The following PSMD5 variants were observed in gnomAD, a reference collection of about 807,000 sequenced individuals.
The protein encoded by PSMD5 is proteasome 26S subunit, non-ATPase 5.
PSMD5 carries 40 observed loss-of-function variants against 52.1 expected under a neutral mutation model. The observed-to-expected ratio is 0.77, with a 90% CI of 0.60 to 1.00. The LOEUF is 1.00. PSMD5 is among the 50% of genes least tolerant of loss of function. The probability of loss-of-function intolerance (pLI) is 0.00; values close to 1 mark genes in which losing one functional copy is unlikely to be tolerated. For synonymous variants in PSMD5, 211 were observed against 226.6 expected, an observed-to-expected ratio of 0.93 and a Z score of 0.62; for missense variants, 575 against 605.2, an observed-to-expected ratio of 0.95 and a Z score of 0.52.
At chr9:120,828,880 T>C (rs1300982069) in intron 5 of PSMD5, among the ~76,000 whole-genome samples, 2 of 152,238 alleles carry the variant, frequency 1.3e-5, no homozygotes, top group Non-Finnish European at 2.9e-5. Context: ...CAGAGTCACT[T>C]GAAAGTAGCT....
chr9:120,825,664 T>C (rs1281674516), intron 6 of PSMD5, among the ~76,000 whole-genome samples: 1 of 151,964 alleles, frequency 6.6e-6, no homozygotes, highest in Non-Finnish European at 1.5e-5. Context: ...AAATATTTAA[T>C]TTTTTTTGAA....
rs778223502 is a variant in PSMD5 at position 120,820,880 on chromosome 9, G to A, written c.1216C>T (p.Pro406Ser). 1 of 1,606,522 alleles carries A rather than the reference G, an allele frequency of 6.2e-7. No individual in the cohort carries two copies. The highest frequency in any genetic ancestry group is 1.1e-5 in the South Asian group (1 of 89,904). Residue 406 changes from proline (P) to serine (S), a missense_variant, in exon 9 of 10, where the codon CCC (proline) becomes TCC (serine). Pro to Ser is a moderately conservative substitution (Grantham distance 74). Transcript: ENST00000210313. ...LELFRGISSQ[P>S]FPELHCAALK... ...GCAGCACAGTGTAGTTCAGGGAAGG[G>A]CTGACTACTAATGCCACGGAAGAGC...
In PSMD5 at chr9:120,831,879, G is replaced by C. The variant is rs1439022224; in HGVS notation, c.385C>G (p.Gln129Glu). The stretch of plus-strand genomic sequence containing the variant: ...TCTCCACCAATGCAATAAACAATTT[G>C]TTTTAGTAATTCAGCATTATTTAGA... ...EILNNAELLK[Q>E]IVYCIGGENL... The change falls in exon 3 of 10, where the codon CAA (glutamine) becomes GAA (glutamate). Residue 129 changes from glutamine to glutamate, a missense_variant. Physicochemically the swap from Gln to Glu is conservative, Grantham distance 29. Transcript: ENST00000210313. 2 of 1,613,114 alleles carry C rather than the reference G, an allele frequency of 1.2e-6. No individual in the cohort carries two copies. Among genetic ancestry groups the C allele is most frequent in the African/African-American group, 2.7e-5 (2 of 74,894 alleles).
At chr9:120,841,440 G>A (rs1460994139) in intron 1 of PSMD5, among the ~76,000 whole-genome samples, 2 of 152,040 alleles carry the variant, frequency 1.3e-5, no homozygotes, top group Non-Finnish European at 2.9e-5. Flanking sequence ...TTAGCCGGGC[G>A]TGGTGGCGGG....
At chr9:120,835,735 A>T (rs1475637362) in intron 1 of PSMD5, among the ~76,000 whole-genome samples, 2 of 152,136 alleles carry the variant, frequency 1.3e-5, no homozygotes, top group East Asian at 1.9e-4. Context: ...GTCTCAAAAA[A>T]AAAAAATAAA....
At position 120,842,891 on chromosome 9, in the gene PSMD5, C is replaced by A. The variant is rs77059879; in HGVS notation, c.19G>T (p.Ala7Ser). 312 of 1,593,630 alleles carry A rather than the reference C, an allele frequency of 2.0e-4. No individual in the cohort carries two copies. The African/African-American group carries it at 2.2e-3, about 11-fold the overall frequency. Residue 7 changes from alanine to serine, a missense_variant, in exon 1 of 10, where the codon GCG (alanine) becomes TCG (serine). Physicochemically the swap from Ala to Ser is moderately conservative, Grantham distance 99. Coordinates refer to ENST00000210313, the MANE Select transcript of PSMD5 (RefSeq NM_005047.4). ...AGCCTCGCTACCTCTCTCAGCAGCG[C>A]CAAAGCCTGGGCTGCCATCTTGCCC... Reference protein sequence around the residue: MAAQALALLREVARLEA... With the variant: MAAQALSLLREVARLEA...
rs2045057197 is a variant in PSMD5 at position 120,818,030 on chromosome 9, G to A, written c.1391C>T (p.Ala464Val). 1.2e-6 allele frequency: 2 copies of A among 1,614,168 alleles called. No homozygotes were observed. Among genetic ancestry groups the A allele is most frequent in the East Asian group, 4.5e-5 (2 of 44,884 alleles). The change falls in exon 10 of 10, where the codon GCC becomes GTC. Residue 464 changes from alanine (A) to valine (V), a missense_variant. Coordinates refer to ENST00000210313, the MANE Select transcript of PSMD5 (RefSeq NM_005047.4). ...GATTTCTGCAATTGTCTTGGAATTGGCAAGTGCTTTCACTAGTTCATATTT... is the reference window on the plus strand; with the variant it reads ...GATTTCTGCAATTGTCTTGGAATTGACAAGTGCTTTCACTAGTTCATATTT... ...DAKYELVKAL[A>V]NSKTIAEIFG...
intron 9 of PSMD5, among the ~76,000 whole-genome samples, chr9:120,818,756 GAAA>G (rs962992130): frequency 3.4e-5 from 4 of 117,898 alleles, no homozygotes; most frequent in South Asian, 2.6e-4. Context: ...ACATTGAAGA[GAAA>G]AAAAAAAAAA....
chr9:120,818,537 A>G (rs948511506), intron 9 of PSMD5, among the ~76,000 whole-genome samples: 8 of 152,194 alleles, frequency 5.3e-5, no homozygotes, highest in Non-Finnish European at 1.0e-4. Context: ...CATGATTACA[A>G]CAGTGGAAAA....
intron 5 of PSMD5, among the ~76,000 whole-genome samples, chr9:120,828,186 GAC>G (rs535246495): frequency 4.7e-4 from 72 of 152,160 alleles, no homozygotes; most frequent in African/African-American, 1.7e-3. Flanking sequence ...TTTTAGTAGA[GAC>G]AGGGTTTCAC....
rs780477388 is a variant in PSMD5 at position 120,831,478 on chromosome 9, A to C, written c.433-19T>G. On this transcript the variant is annotated intron_variant, in intron 3 of 9. Coordinates refer to ENST00000210313, the MANE Select transcript of PSMD5 (RefSeq NM_005047.4). ...TGATAGCCTTATAACGAAAGAAAAT[A>C]TCTCTTACATTCCCAAAATGCAGGT... 1.3e-6 allele frequency: 2 copies of C among 1,584,694 alleles called. No individual in the cohort carries two copies. The highest frequency in any genetic ancestry group is 2.3e-5 in the South Asian group (2 of 86,728).
rs2045050823 is a variant in PSMD5 at position 120,817,458 on chromosome 9, C to A, written c.*448G>T. ...GCTGATTTTATATTTTTAGTAGAGA[C>A]AGGGTTTTGCCATATTGGCCAGGCT... On this transcript the variant is annotated 3_prime_UTR_variant, in exon 10 of 10. Transcript: ENST00000210313. 6.4e-6 allele frequency: 1 copy of A among 155,782 alleles called. No homozygotes were observed. Among genetic ancestry groups the A allele is most frequent in the Admixed American group, 6.3e-5 (1 of 15,896 alleles). 9.6% of individuals were successfully genotyped at this position (155,782 alleles called of 1,614,324 possible). A position where few individuals can be genotyped will look rare whatever the true frequency, so the allele number is the denominator to read the frequency against.
rs561463110 is a variant in PSMD5 at position 120,840,553 on chromosome 9, G to C, written c.173+2184C>G. On this transcript the variant is annotated intron_variant, in intron 1 of 9. Coordinates refer to ENST00000210313, the MANE Select transcript of PSMD5 (RefSeq NM_005047.4). ...CTCCACCTCTCAGGTTCAAGTGATT[G>C]TCCTGCCTCAGCCTCCCAACTAGCT... Among the ~76,000 whole-genome samples the C allele has an allele frequency of 1.3e-4, 19 of 150,326 alleles. No individual in the cohort carries two copies. The South Asian group carries it at 2.4e-3, about 19-fold the overall frequency.
chr9:120,840,432 TTATTATTATTATTA>T (rs762099752), intron 1 of PSMD5, among the ~76,000 whole-genome samples: 64 of 149,848 alleles, frequency 4.3e-4, no homozygotes, highest in Non-Finnish European at 8.7e-4. Context: ...CAAAGTGTTT[TTATTATTATTATTA>T]TATTATTATT....
At chr9:120,818,929 A>G (rs59525803) in intron 9 of PSMD5, among the ~76,000 whole-genome samples, 11,400 of 152,208 alleles carry the variant, frequency 0.075, 545 homozygotes, top group Non-Finnish European at 0.098. Context: ...TGACTTTGTG[A>G]TAGTGATTTT....
At chr9:120,819,259 G>C (rs536065188) in intron 9 of PSMD5, among the ~76,000 whole-genome samples, 13 of 152,260 alleles carry the variant, frequency 8.5e-5, no homozygotes, top group African/African-American at 3.1e-4. Flanking sequence ...AGGATCCCAG[G>C]CTCTGCCCCA....
chr9:120,841,431 T>C (rs1043018621), intron 1 of PSMD5, among the ~76,000 whole-genome samples: 44 of 151,824 alleles, frequency 2.9e-4, no homozygotes, highest in African/African-American at 1.1e-3. Context: ...TACAAAAAAT[T>C]AGCCGGGCGT....
intron 4 of PSMD5, among the ~76,000 whole-genome samples, 185 bp from the exon 5 acceptor site, chr9:120,829,393 T>C (rs2045145347): frequency 1.3e-5 from 2 of 151,936 alleles, no homozygotes; most frequent in Admixed American, 6.6e-5. Context: ...TGGCACAGAT[T>C]ATTATTATTA....
rs1277776624 is a variant in PSMD5, at chr9:120,820,878, G to A, written c.1218C>T (p.Pro406=). The change falls in exon 9 of 10, where the codon CCC becomes CCT. Residue 406 remains proline (P), a synonymous_variant. Coordinates refer to ENST00000210313, the MANE Select transcript of PSMD5 (RefSeq NM_005047.4). ...LELFRGISSQ[P]FPELHCAALK... is the part of the protein sequence containing the mutation. ...AGGCAGCACAGTGTAGTTCAGGGAA[G>A]GGCTGACTACTAATGCCACGGAAGA... 1.9e-6 allele frequency: 3 copies of A among 1,606,076 alleles called. No individual in the cohort carries two copies. Among genetic ancestry groups the A allele is most frequent in the Non-Finnish European group, 2.5e-6 (3 of 1,178,154 alleles).
Sources: gnomAD v4.1 joint callset for allele counts (sites outside exome capture counted in the v4.1 genomes callset) on GRCh38, gnomAD v4.1.1 for gene constraint, MANE v1.5 for transcripts, NCBI Gene and HGNC (gene_info 2026-07-23, HGNC 2026-07-21) for gene names.